PLXDC2: variants seen among roughly 807,000 people sequenced by gnomAD.
The protein encoded by PLXDC2 is plexin domain-containing protein 2.
In PLXDC2, 40 loss-of-function variants were observed where a neutral mutation model predicts 68.9. The ratio of observed to expected loss-of-function variants is 0.58; its 90% CI spans 0.45 to 0.76. The LOEUF is 0.76. Ranked by LOEUF, PLXDC2 falls within the 30% of genes least tolerant of loss-of-function variation. The probability of loss-of-function intolerance (pLI) is 0.00; values close to 1 mark genes in which losing one functional copy is unlikely to be tolerated. For missense variants in PLXDC2, 644 were observed against 661.9 expected, an observed-to-expected ratio of 0.97 and a Z score of 0.30; for synonymous variants, 243 against 234.2, an observed-to-expected ratio of 1.04 and a Z score of -0.34.
chr10:20,192,164 A>C (rs1450641233), intron 9 of PLXDC2, among the ~76,000 whole-genome samples: 1 of 152,030 alleles, frequency 6.6e-6, no homozygotes, highest in Non-Finnish European at 1.5e-5. Flanking sequence ...TTTAGGCTGC[A>C]TGGATTGTAG....
chr10:20,137,699 T>G (rs1207619229), intron 4 of PLXDC2, among the ~76,000 whole-genome samples: 2 of 152,216 alleles, frequency 1.3e-5, no homozygotes, highest in Non-Finnish European at 2.9e-5. Flanking sequence ...ATAAAGTTGT[T>G]CTGTTCAACA....
At chr10:19,911,435 C>T (rs1025813723) in intron 1 of PLXDC2, among the ~76,000 whole-genome samples, 1 of 152,038 alleles carries the variant, frequency 6.6e-6, no homozygotes, top group Non-Finnish European at 1.5e-5. Flanking sequence ...CATTCAAGTT[C>T]TCTAAGGTTA....
At chr10:20,199,750 A>G (rs1834891635) in intron 9 of PLXDC2, among the ~76,000 whole-genome samples, 1 of 151,976 alleles carries the variant, frequency 6.6e-6, no homozygotes, top group Non-Finnish European at 1.5e-5. Flanking sequence ...TTGGAACGTT[A>G]GAATGTGATT....
At chr10:20,099,840 A>G (rs1833399136) in intron 4 of PLXDC2, among the ~76,000 whole-genome samples, 1 of 152,180 alleles carries the variant, frequency 6.6e-6, no homozygotes, top group Admixed American at 6.5e-5. Flanking sequence ...TGTTTTTAGT[A>G]ATTCATTTTA....
chr10:19,984,256 C>G (rs555982416), intron 1 of PLXDC2, among the ~76,000 whole-genome samples: 3 of 152,024 alleles, frequency 2.0e-5, no homozygotes, highest in Non-Finnish European at 2.9e-5. Flanking sequence ...CAGGTGTGTC[C>G]TAGTGAAAGC....
At chr10:19,860,194 G>A (rs1334987494) in intron 1 of PLXDC2, among the ~76,000 whole-genome samples, 1 of 152,098 alleles carries the variant, frequency 6.6e-6, no homozygotes, top group African/African-American at 2.4e-5. Flanking sequence ...TTAGACCTTG[G>A]CTTTGTCATG....
rs1838183360 is a variant in PLXDC2, at chr10:19,902,969, A to G, written c.112+85778A>G. ...ATTTTTAATTCTGTTTATGTGCTGT[A>G]TCACATTTATTGACTTACATATGTT... On this transcript the variant is annotated intron_variant, in intron 1 of 13. Coordinates refer to ENST00000377252, the MANE Select transcript of PLXDC2 (RefSeq NM_032812.9). Among the ~76,000 whole-genome samples, 6 of 152,274 alleles carry G rather than the reference A, an allele frequency of 3.9e-5. No individual in the cohort carries two copies. In the South Asian group the frequency reaches 1.2e-3, roughly 32 times the overall value.
At chr10:20,227,382 C>G (rs550168906) in intron 12 of PLXDC2, among the ~76,000 whole-genome samples, 1 of 152,082 alleles carries the variant, frequency 6.6e-6, no homozygotes, top group East Asian at 1.9e-4. Flanking sequence ...ATAGGTGATA[C>G]TTGATCCAAG....
intron 1 of PLXDC2, among the ~76,000 whole-genome samples, chr10:19,944,146 T>G (rs1204294791): frequency 6.6e-6 from 1 of 152,192 alleles, no homozygotes; most frequent in Non-Finnish European, 1.5e-5. Context: ...GCAGAATTTC[T>G]CGAGTTTTCT....
At chr10:20,057,480 G>A (rs779701617) in intron 3 of PLXDC2, among the ~76,000 whole-genome samples, 2 of 151,980 alleles carry the variant, frequency 1.3e-5, no homozygotes, top group Non-Finnish European at 2.9e-5. Flanking sequence ...ACGCAAAATG[G>A]CCAGGTTTCT....
rs767961460 is a variant in PLXDC2 at position 20,147,795 on chromosome 10, G to T, written c.676G>T (p.Val226Leu). 1.1e-5 allele frequency: 17 copies of T among 1,599,276 alleles called. 2 individuals carry two copies. The South Asian group carries it at 1.9e-4, about 18-fold the overall frequency. ...VRYFDNGTAL[V>L]VQWDHVHLQD... ...CAATGGGTGTATAGGCACAGCACTT[G>T]TGGTCCAGTGGGACCATGTACATCT... Residue 226 changes from valine (V) to leucine (L), a missense_variant, in exon 6 of 14, where the codon GTG becomes TTG. Val to Leu is a conservative substitution (Grantham distance 32, BLOSUM62 1). Transcript: ENST00000377252.
chr10:19,881,904 G>A (rs558243065), intron 1 of PLXDC2, among the ~76,000 whole-genome samples: 69 of 152,158 alleles, frequency 4.5e-4, no homozygotes, highest in Admixed American at 2.3e-3. Flanking sequence ...CTAATTCTCA[G>A]TGTCCTTCTC....
At chr10:20,002,115 T>C (rs1373672784) in intron 2 of PLXDC2, 129 bp downstream of exon 2, 3 of 890,544 alleles carry the variant, frequency 3.4e-6, no homozygotes, top group Admixed American at 5.7e-5. Context: ...TAAAGAACAA[T>C]TTAATTCGTT....
chr10:20,093,351 G>T (rs930937936), intron 4 of PLXDC2, among the ~76,000 whole-genome samples: 1 of 152,018 alleles, frequency 6.6e-6, no homozygotes, highest in Non-Finnish European at 1.5e-5. Context: ...AGGATGTTAG[G>T]ATTATCAATA....
At chr10:20,083,068 C>T in intron 4 of PLXDC2, among the ~76,000 whole-genome samples, 1 of 152,068 alleles carries the variant, frequency 6.6e-6, no homozygotes, top group East Asian at 1.9e-4. Context: ...AATCTCTAGA[C>T]AGATATACAA....
chr10:19,912,715 G>T (rs1238055118), intron 1 of PLXDC2, among the ~76,000 whole-genome samples: 2 of 152,096 alleles, frequency 1.3e-5, no homozygotes, highest in African/African-American at 4.8e-5. Context: ...CCTTTTAGAA[G>T]TTAGTACTAT....
chr10:20,017,296 A>T (rs935833325), intron 2 of PLXDC2, among the ~76,000 whole-genome samples: 1 of 152,154 alleles, frequency 6.6e-6, no homozygotes, highest in Non-Finnish European at 1.5e-5. Context: ...TAAAGGGAAC[A>T]AGGCTGATCA....
chr10:19,866,077 T>A (rs1022026428), intron 1 of PLXDC2, among the ~76,000 whole-genome samples: 2 of 152,334 alleles, frequency 1.3e-5, no homozygotes, highest in Non-Finnish European at 2.9e-5. Context: ...TGTAGGTAAT[T>A]TGTAGTTTTC....
chr10:20,119,655 G>C (rs1342031571), intron 4 of PLXDC2, among the ~76,000 whole-genome samples: 5 of 152,000 alleles, frequency 3.3e-5, no homozygotes, highest in Admixed American at 3.3e-4. Flanking sequence ...GTGGTAAAGT[G>C]TTGGGACAGC....
Sources: allele counts gnomAD v4.1 joint callset (sites outside exome capture counted in the v4.1 genomes callset), GRCh38; gene constraint gnomAD v4.1.1; transcripts MANE v1.5; gene names NCBI Gene and HGNC (gene_info 2026-07-23, HGNC 2026-07-21).